Variants in ADCY2 observed in about 807,000 individuals in gnomAD.
ADCY2 encodes the protein adenylate cyclase 2, also known as adenylate cyclase type 2.
In ADCY2, 31 loss-of-function variants were observed where a neutral mutation model predicts 125.2. The ratio of observed to expected loss-of-function variants is 0.25; its 90% CI spans 0.19 to 0.33. The LOEUF (loss-of-function observed/expected upper bound fraction) is 0.33. Among genes scored for constraint, ADCY2 ranks in the 10% least tolerant of loss-of-function variants. The pLI is 1.00. For synonymous variants in ADCY2, 512 were observed against 548.4 expected, an observed-to-expected ratio of 0.93 and a Z score of 0.93; for missense variants, 904 against 1,418.2, an observed-to-expected ratio of 0.64 and a Z score of 5.82.
intron 4 of ADCY2, among the ~76,000 whole-genome samples, chr5:7,681,227 T>G (rs1353618821): frequency 1.3e-5 from 2 of 152,226 alleles, no homozygotes; most frequent in African/African-American, 4.8e-5. Flanking sequence ...CAGCCTTTCT[T>G]TCTTCACTTA....
At chr5:7,748,794 T>C (rs1218415008) in intron 15 of ADCY2, among the ~76,000 whole-genome samples, 1 of 152,240 alleles carries the variant, frequency 6.6e-6, no homozygotes, top group Non-Finnish European at 1.5e-5. Flanking sequence ...ACCTACTTAC[T>C]CTGCTAGGCA....
Position 7,396,591 on chromosome 5 carries a change from G to T in ADCY2, c.210+85G>T. 1 of 1,202,086 alleles carries T rather than the reference G, an allele frequency of 8.3e-7. No individual in the cohort carries two copies. Among genetic ancestry groups the T allele is most frequent in the Non-Finnish European group, 1.1e-6 (1 of 926,068 alleles). 74.5% of individuals were successfully genotyped at this position (1,202,086 alleles called of 1,614,324 possible). Reference sequence around the variant, plus strand: ...CCAGCCGAGCCGCGTCCCGCTCCGGGCTGCCCCTCGGCCCGCGGCAGCCCC... The same window carrying T: ...CCAGCCGAGCCGCGTCCCGCTCCGGTCTGCCCCTCGGCCCGCGGCAGCCCC... On this transcript the variant is annotated intron_variant, in intron 1 of 24. Transcript: ENST00000338316. This position sits in a 1 kb window ranked among gnomAD's most constrained non-coding sequence, Gnocchi z 5.7.
At chr5:7,466,846 A>G (rs1375101380) in intron 2 of ADCY2, among the ~76,000 whole-genome samples, 1 of 152,196 alleles carries the variant, frequency 6.6e-6, no homozygotes, top group African/African-American at 2.4e-5. Context: ...CTCATGGAGG[A>G]CTTTCACTTG....
intron 23 of ADCY2, among the ~76,000 whole-genome samples, chr5:7,817,823 C>CAAAAAAAAAA (rs57731885): frequency 2.6e-5 from 2 of 78,300 alleles, no homozygotes; most frequent in Non-Finnish European, 5.1e-5. Flanking sequence ...ACGCTGTCAC[C>CAAAAAAAAAA]AAAAAAAAAA....
intron 2 of ADCY2, among the ~76,000 whole-genome samples, chr5:7,458,683 A>G (rs1241020818): frequency 6.6e-6 from 1 of 152,206 alleles, no homozygotes; most frequent in African/African-American, 2.4e-5. Context: ...TTGATACCAT[A>G]CAACACAGAT....
chr5:7,761,926 C>CCACAGAAGA (rs1177071566), intron 16 of ADCY2, among the ~76,000 whole-genome samples: 4 of 152,208 alleles, frequency 2.6e-5, no homozygotes, highest in Admixed American at 1.3e-4. Context: ...TTTCCTTCCT[C>CCACAGAAGA]CACAGAAGAC....
chr5:7,424,071 T>C (rs888764316), intron 2 of ADCY2, among the ~76,000 whole-genome samples: 1 of 152,234 alleles, frequency 6.6e-6, no homozygotes, highest in South Asian at 2.1e-4. Context: ...TTTGTACAAA[T>C]AAAAATAAAT....
intron 16 of ADCY2, among the ~76,000 whole-genome samples, chr5:7,762,576 C>T (rs1743257202): frequency 6.6e-6 from 1 of 152,222 alleles, no homozygotes; most frequent in East Asian, 1.9e-4. Flanking sequence ...GCGACACCTT[C>T]TGCTGAGGAT....
chr5:7,493,574 G>T (rs1309508803), intron 2 of ADCY2, among the ~76,000 whole-genome samples: 2 of 152,206 alleles, frequency 1.3e-5, no homozygotes, highest in African/African-American at 4.8e-5. Context: ...TGTGGGGTTA[G>T]AGGGGGATCC....
At chr5:7,774,064 G>T (rs1331507559) in intron 18 of ADCY2, among the ~76,000 whole-genome samples, 1 of 152,094 alleles carries the variant, frequency 6.6e-6, no homozygotes, top group Non-Finnish European at 1.5e-5. Context: ...TATTTGCATT[G>T]ATTTATTACT....
intron 7 of ADCY2, among the ~76,000 whole-genome samples, chr5:7,703,865 C>T (rs1434495442): frequency 1.3e-5 from 2 of 151,840 alleles, no homozygotes; most frequent in South Asian, 2.1e-4. Context: ...TTAGCCAGGC[C>T]TGGTGGTGCA....
At chr5:7,687,216 G>A (rs544287906) in intron 4 of ADCY2, among the ~76,000 whole-genome samples, 1 of 151,986 alleles carries the variant, frequency 6.6e-6, no homozygotes, top group Non-Finnish European at 1.5e-5. Flanking sequence ...TCTACATTTG[G>A]GTCTAAAATA....
intron 3 of ADCY2, among the ~76,000 whole-genome samples, chr5:7,537,750 C>T (rs749119835): frequency 2.6e-5 from 4 of 152,310 alleles, no homozygotes; most frequent in Admixed American, 1.3e-4. Context: ...TCTCTTGGTG[C>T]GGCATGCAAG....
intron 3 of ADCY2, among the ~76,000 whole-genome samples, chr5:7,536,351 G>A (rs780747090): frequency 5.3e-5 from 8 of 152,088 alleles, no homozygotes; most frequent in South Asian, 2.1e-4. Flanking sequence ...GATGATAGTC[G>A]TTTAGACAGG....
In ADCY2 at chr5:7,590,465, C is replaced by G. The variant is rs2126624646; in HGVS notation, c.571-35702C>G. On this transcript the variant is annotated intron_variant, in intron 3 of 24. Coordinates refer to ENST00000338316, the MANE Select transcript of ADCY2 (RefSeq NM_020546.3). ...TAGTTTTATAATCATGTAAGTCATT[C>G]TAGGATCCTTATGTTCTCTTTATCC... Among the ~76,000 whole-genome samples the G allele has an allele frequency of 2.6e-5, 4 of 151,924 alleles. No homozygotes were observed. The South Asian group carries it at 8.3e-4, about 32-fold the overall frequency.
chr5:7,521,170 T>G (rs1744432884), intron 3 of ADCY2, among the ~76,000 whole-genome samples: 1 of 152,202 alleles, frequency 6.6e-6, no homozygotes, highest in African/African-American at 2.4e-5. Flanking sequence ...TGCTGAATGG[T>G]GGTATGATTT....
chr5:7,542,902 C>T (rs978521015), intron 3 of ADCY2, among the ~76,000 whole-genome samples: 19 of 152,204 alleles, frequency 1.2e-4, no homozygotes, highest in Non-Finnish European at 2.6e-4. Flanking sequence ...CACTCAGGCA[C>T]ATCCACTTTA....
At chr5:7,674,426 G>A (rs867481479) in intron 4 of ADCY2, among the ~76,000 whole-genome samples, 1 of 152,146 alleles carries the variant, frequency 6.6e-6, no homozygotes, top group Non-Finnish European at 1.5e-5. Context: ...TTGGTTACGC[G>A]CCATTTCGAG....
intron 4 of ADCY2, chr5:7,654,346 T>C (rs1739244499): frequency 2.8e-6 from 1 of 353,238 alleles, no homozygotes; most frequent in Admixed American, 3.8e-5. Flanking sequence ...GAAAACGGGA[T>C]CGAGAGAAGG....
Sources: allele counts gnomAD v4.1 joint callset (sites outside exome capture counted in the v4.1 genomes callset), GRCh38; gene constraint gnomAD v4.1.1; non-coding constraint Gnocchi (gnomAD v3.1); transcripts MANE v1.5; gene names NCBI Gene and HGNC (gene_info 2026-07-23, HGNC 2026-07-21).